Variants in IL21R observed in about 807,000 individuals in gnomAD.
The protein encoded by IL21R is interleukin 21 receptor, also known as interleukin-21 receptor.
IL21R carries 14 observed loss-of-function variants against 41.3 expected under a neutral mutation model. The ratio of observed to expected loss-of-function variants is 0.34; its 90% CI spans 0.22 to 0.53. The LOEUF (loss-of-function observed/expected upper bound fraction) is 0.53, where lower values mean the gene tolerates loss of function less well. Among genes scored for constraint, IL21R ranks in the 20% least tolerant of loss-of-function variants. The probability of loss-of-function intolerance (pLI) is 0.94; values close to 1 mark genes in which losing one functional copy is unlikely to be tolerated. For missense variants in IL21R, 588 were observed against 681.6 expected (o/e 0.86, Z 1.53); for synonymous variants, 286 against 287.6 (o/e 0.99, Z 0.05).
In IL21R at chr16:27,403,069, C is replaced by G. The variant is rs1035253683; in HGVS notation, c.-17+451C>G. ...TCATTCAAAACAATGGCTGGTGTGC[C>G]CATTTCGCAGATGAGGCAATGAGGC... On this transcript the variant is annotated intron_variant, in intron 1 of 8. Transcript: ENST00000337929. The G allele has an allele frequency of 2.4e-5, 12 of 504,450 alleles. No homozygotes were observed. In the Admixed American group the frequency reaches 2.5e-4, roughly 11 times the overall value. 31.2% of individuals were successfully genotyped at this position (504,450 alleles called of 1,614,324 possible).
At chr16:27,424,771 A>G (rs756457519) in intron 1 of IL21R, among the ~76,000 whole-genome samples, 1 of 152,194 alleles carries the variant, frequency 6.6e-6, no homozygotes, top group Non-Finnish European at 1.5e-5. Flanking sequence ...TTGCATTGCC[A>G]TAAAGCAATA....
In IL21R at chr16:27,443,127, T is replaced by A. The variant is rs749556574; in HGVS notation, c.507+11T>A. The A allele has an allele frequency of 6.2e-7, 1 of 1,604,788 alleles. No individual in the cohort carries two copies. Among genetic ancestry groups the A allele is most frequent in the East Asian group, 2.2e-5 (1 of 44,766 alleles). ...GACCCCTGGGCTGTGGTGAGGAATG[T>A]GGGGATCAGTGCAGCTTTGTGGGAG... On this transcript the variant is annotated intron_variant, in intron 5 of 8. Transcript: ENST00000337929.
At chr16:27,425,158 C>A (rs1447976225) in intron 1 of IL21R, among the ~76,000 whole-genome samples, 1 of 152,170 alleles carries the variant, frequency 6.6e-6, no homozygotes, top group East Asian at 1.9e-4. Context: ...TCAAGGGGCT[C>A]CTGTAGCAGG....
intron 1 of IL21R, among the ~76,000 whole-genome samples, chr16:27,406,500 G>A (rs918614778): frequency 6.6e-6 from 1 of 152,144 alleles, no homozygotes. Flanking sequence ...GATTGCTGGA[G>A]CTAATAGAGA....
intron 2 of IL21R, among the ~76,000 whole-genome samples, chr16:27,431,524 C>T (rs2141285892): frequency 6.6e-6 from 1 of 152,312 alleles, no homozygotes; most frequent in East Asian, 1.9e-4. Context: ...TCTGTCTGTG[C>T]TGCTGTAACT....
chr16:27,421,491 T>A (rs1024106773), intron 1 of IL21R, among the ~76,000 whole-genome samples: 2 of 152,100 alleles, frequency 1.3e-5, no homozygotes, highest in South Asian at 2.1e-4. Context: ...CTATAATTTA[T>A]TTCAATAACA....
intron 1 of IL21R, among the ~76,000 whole-genome samples, chr16:27,414,779 C>G (rs1429684580): frequency 2.6e-5 from 4 of 152,056 alleles, no homozygotes; most frequent in Non-Finnish European, 5.9e-5. Context: ...TTATTAGGAT[C>G]TACCTAATAT....
chr16:27,429,591 G>A (rs2141282929), intron 1 of IL21R, among the ~76,000 whole-genome samples: 1 of 151,832 alleles, frequency 6.6e-6, no homozygotes, highest in East Asian at 2.0e-4. Context: ...GGGCAACATA[G>A]CAAGATGCCG....
intron 1 of IL21R, among the ~76,000 whole-genome samples, chr16:27,419,315 C>T (rs1016544940): frequency 2.0e-5 from 3 of 152,228 alleles, no homozygotes; most frequent in African/African-American, 7.2e-5. Flanking sequence ...CACATTTTGT[C>T]CCACTGGAAG....
intron 2 of IL21R, 48 bp downstream of exon 2, chr16:27,430,168 GA>G: frequency 6.4e-7 from 1 of 1,551,998 alleles, no homozygotes; most frequent in Non-Finnish European, 8.8e-7. Flanking sequence ...CCCCATCACA[GA>G]GCTGAGCCAG....
At chr16:27,438,727 G>A (rs1025700636) in intron 4 of IL21R, among the ~76,000 whole-genome samples, 6 of 152,128 alleles carry the variant, frequency 3.9e-5, no homozygotes, top group Non-Finnish European at 5.9e-5. Context: ...AAAATTTGCC[G>A]GGCGTGGTGG....
intron 2 of IL21R, among the ~76,000 whole-genome samples, chr16:27,433,646 G>A (rs1448399222): frequency 1.3e-5 from 2 of 152,310 alleles, no homozygotes; most frequent in African/African-American, 2.4e-5. Context: ...TGTTTGGGGA[G>A]CAGGATGGAA....
chr16:27,407,590 C>T (rs113341055), intron 1 of IL21R, among the ~76,000 whole-genome samples: 6,689 of 152,268 alleles, frequency 0.044, 195 homozygotes, highest in South Asian at 0.11. Context: ...TTTTGGGAGG[C>T]CAAGGAGGGT....
Position 27,442,231 on chromosome 16 carries a change from T to G in IL21R, c.353-731T>G, listed in dbSNP as rs570633390. ...GTGTGCATGTGTGGGCATGCATGTGTGTGGGTGTGCATGTGCACATGTGTT... is the reference window on the plus strand; with the variant it reads ...GTGTGCATGTGTGGGCATGCATGTGGGTGGGTGTGCATGTGCACATGTGTT... On this transcript the variant is annotated intron_variant, in intron 4 of 8. Coordinates refer to ENST00000337929, the MANE Select transcript of IL21R (RefSeq NM_181078.3). Among the ~76,000 whole-genome samples the G allele has an allele frequency of 7.8e-5, 9 of 115,700 alleles. No individual in the cohort carries two copies. The South Asian group carries it at 3.0e-3, about 38-fold the overall frequency. The allele number at this position is 115,700 out of a possible 152,430, so 75.9% of individuals were successfully genotyped here.
At chr16:27,405,989 G>A (rs554050963) in intron 1 of IL21R, among the ~76,000 whole-genome samples, 11 of 152,378 alleles carry the variant, frequency 7.2e-5, no homozygotes, top group Admixed American at 1.3e-4. Flanking sequence ...GCACCAGCCC[G>A]GGTCCTAGCC....
Position 27,418,065 on chromosome 16 carries a change from ATT to A in IL21R, c.-16-11989_-16-11988del, listed in dbSNP as rs752875457. Among the ~76,000 whole-genome samples the A allele has an allele frequency of 4.1e-5, 3 of 73,892 alleles. No individual in the cohort carries two copies. The Admixed American group carries it at 4.5e-4, about 11-fold the overall frequency. The allele number at this position is 73,892 out of a possible 152,430, so 48.5% of individuals were successfully genotyped here. A position where few individuals can be genotyped will look rare whatever the true frequency, so the allele number is the denominator to read the frequency against. On this transcript the variant is annotated intron_variant, in intron 1 of 8. Coordinates refer to ENST00000337929, the MANE Select transcript of IL21R (RefSeq NM_181078.3). ...ATTTTATTTTATTTTATTTTATTTT[ATT>A]TATGTTATTTTATTTTATTTAAGAC...
intron 6 of IL21R, 121 bp downstream of exon 6, chr16:27,444,840 G>A: frequency 2.1e-6 from 2 of 939,142 alleles, no homozygotes; most frequent in South Asian, 1.9e-5. Context: ...ATCCTCAGAT[G>A]TAGCCCTTCA....
intron 1 of IL21R, among the ~76,000 whole-genome samples, chr16:27,417,725 T>G (rs2141267784): frequency 6.6e-6 from 1 of 152,256 alleles, no homozygotes; most frequent in African/African-American, 2.4e-5. Context: ...TGTAACACAA[T>G]TGTAAGTATT....
intron 1 of IL21R, chr16:27,427,208 C>A: frequency 1.2e-6 from 1 of 813,784 alleles, no homozygotes; most frequent in Non-Finnish European, 1.5e-6. Flanking sequence ...AAGCCTGGGT[C>A]AGGAGCCCAC....
Sources: allele counts gnomAD v4.1 joint callset (sites outside exome capture counted in the v4.1 genomes callset), GRCh38; gene constraint gnomAD v4.1.1; transcripts MANE v1.5; gene names NCBI Gene and HGNC (gene_info 2026-07-23, HGNC 2026-07-21).